Variants in TEX36 observed in about 807,000 individuals in gnomAD.
The protein encoded by TEX36 is testis-expressed protein 36.
TEX36 carries 12 observed loss-of-function variants against 13.6 expected under a neutral mutation model. The observed-to-expected ratio is 0.88, with a 90% confidence interval of 0.56 to 1.43. The LOEUF (loss-of-function observed/expected upper bound fraction) is 1.43. TEX36 is among the 40% of genes most tolerant of loss of function. The pLI is 0.00. For synonymous variants in TEX36, 93 were observed against 83.0 expected, an observed-to-expected ratio of 1.12 and a Z score of -0.65; for missense variants, 224 against 228.3, an observed-to-expected ratio of 0.98 and a Z score of 0.12.
intron 3 of TEX36, among the ~76,000 whole-genome samples, chr10:125,629,904 T>A (rs1389263841): frequency 1.3e-5 from 2 of 152,154 alleles, no homozygotes; most frequent in African/African-American, 4.8e-5. Flanking sequence ...TAAGTCACTG[T>A]GAGATACCAG....
chr10:125,605,727 G>A (rs1378975897), intron 3 of TEX36, among the ~76,000 whole-genome samples: 5 of 151,974 alleles, frequency 3.3e-5, no homozygotes, highest in African/African-American at 4.8e-5. Context: ...TCAGCCTACC[G>A]AGTAGCTGGG....
intron 3 of TEX36, among the ~76,000 whole-genome samples, chr10:125,657,010 T>TC (rs756387501): frequency 1.6e-4 from 25 of 151,998 alleles, no homozygotes; most frequent in Non-Finnish European, 1.0e-4. Context: ...CCCACAGGCT[T>TC]CCTCATTCAC....
At chr10:125,586,379 A>T (rs889879284) in intron 3 of TEX36, among the ~76,000 whole-genome samples, 1 of 152,162 alleles carries the variant, frequency 6.6e-6, no homozygotes, top group African/African-American at 2.4e-5. Flanking sequence ...TGTAGTTTTC[A>T]GGTCTTGTAC....
intron 1 of TEX36, among the ~76,000 whole-genome samples, chr10:125,668,725 C>G (rs1847167923): frequency 6.6e-6 from 1 of 152,090 alleles, no homozygotes; most frequent in African/African-American, 2.4e-5. Flanking sequence ...AGTTCTGGCT[C>G]TGGTCTTTAT....
At chr10:125,581,217 C>T (rs1253694295) in intron 3 of TEX36, among the ~76,000 whole-genome samples, 1 of 152,248 alleles carries the variant, frequency 6.6e-6, no homozygotes, top group Non-Finnish European at 1.5e-5. Context: ...GATTAGGTTC[C>T]CAGGGGCAAC....
chr10:125,589,352 T>A (rs1234132238), intron 3 of TEX36, among the ~76,000 whole-genome samples: 1 of 152,234 alleles, frequency 6.6e-6, no homozygotes, highest in Non-Finnish European at 1.5e-5. Flanking sequence ...TTTTTCTGTG[T>A]ATTTTTACAC....
chr10:125,639,899 G>A (rs1038027486), intron 3 of TEX36, among the ~76,000 whole-genome samples: 2 of 152,218 alleles, frequency 1.3e-5, no homozygotes, highest in African/African-American at 4.8e-5. Flanking sequence ...GAGAGGGATT[G>A]GATATGCCAC....
chr10:125,668,342 C>T (rs1847162077), intron 1 of TEX36, among the ~76,000 whole-genome samples: 2 of 151,728 alleles, frequency 1.3e-5, no homozygotes, highest in African/African-American at 4.8e-5. Flanking sequence ...TTCAGTCTCA[C>T]TATTCAGCAT....
At chr10:125,621,446 T>C (rs1181142092), downstream of TEX36, among the ~76,000 whole-genome samples, 1 of 152,140 alleles carries the variant, frequency 6.6e-6, no homozygotes, top group Non-Finnish European at 1.5e-5. Context: ...CCCTAATGAT[T>C]AGTGACATGT....
At chr10:125,640,324 G>A (rs1215943638) in intron 3 of TEX36, 2 of 487,502 alleles carry the variant, frequency 4.1e-6, no homozygotes, top group Non-Finnish European at 5.3e-6. Flanking sequence ...TTGGGAGAGA[G>A]AATAAAGCAT....
chr10:125,613,364 T>C (rs1448483968), intron 3 of TEX36, among the ~76,000 whole-genome samples: 1 of 150,736 alleles, frequency 6.6e-6, no homozygotes, highest in Non-Finnish European at 1.5e-5. Flanking sequence ...TGTGCCATGC[T>C]GGGGCGCTGC....
rs184025245 is a variant in TEX36, at chr10:125,613,369, C to T, written c.265-36495G>A. Reference sequence around the variant, plus strand: ...TACGTATACATGTGCCATGCTGGGGCGCTGCACCCACTAACTCGTCATCTA... The same window carrying T: ...TACGTATACATGTGCCATGCTGGGGTGCTGCACCCACTAACTCGTCATCTA... On this transcript the variant is annotated intron_variant, in intron 3 of 3. Transcript: ENST00000532135. Among the ~76,000 whole-genome samples, 23 of 149,938 alleles carry T rather than the reference C, an allele frequency of 1.5e-4. No individual in the cohort carries two copies. In the East Asian group the frequency reaches 3.4e-3, roughly 22 times the overall value.
At chr10:125,585,777 C>T (rs1221608083) in intron 3 of TEX36, among the ~76,000 whole-genome samples, 1 of 152,222 alleles carries the variant, frequency 6.6e-6, no homozygotes, top group Non-Finnish European at 1.5e-5. Flanking sequence ...GCATCAAAAT[C>T]CATAGTTTTC....
rs114741500 is a variant in TEX36, at chr10:125,634,940, A to G, written c.265-13295T>C. On this transcript the variant is annotated intron_variant, in intron 3 of 3. Coordinates refer to the TEX36 transcript ENST00000526819. Reference sequence around the variant, plus strand: ...CCTAACATACAAGTGGGCTGTGCTCAGGGCTGTGAGGGAGCTCAGAGAAGG... The same window carrying G: ...CCTAACATACAAGTGGGCTGTGCTCGGGGCTGTGAGGGAGCTCAGAGAAGG... Among the ~76,000 whole-genome samples, 609 of 152,296 alleles carry G rather than the reference A, an allele frequency of 4.0e-3. 12 individuals are homozygous for G. The highest frequency in any genetic ancestry group is 0.014 in the African/African-American group (581 of 41,562).
At chr10:125,670,224 A>G (rs527731603) in intron 1 of TEX36, among the ~76,000 whole-genome samples, 1 of 152,196 alleles carries the variant, frequency 6.6e-6, no homozygotes, top group Non-Finnish European at 1.5e-5. Flanking sequence ...GCGTAAAAGC[A>G]TTCCTATTTC....
intron 3 of TEX36, among the ~76,000 whole-genome samples, chr10:125,632,817 C>T (rs1479103054): frequency 6.6e-6 from 1 of 152,146 alleles, no homozygotes; most frequent in Non-Finnish European, 1.5e-5. Flanking sequence ...GAGCCATTTT[C>T]TTACCAAAGA....
chr10:125,665,449 C>A (rs186910359), intron 1 of TEX36, among the ~76,000 whole-genome samples: 29 of 152,170 alleles, frequency 1.9e-4, no homozygotes, highest in African/African-American at 7.0e-4. Context: ...TGTCCAGTTT[C>A]TTTCTTCTGC....
intron 1 of TEX36, among the ~76,000 whole-genome samples, chr10:125,671,845 T>G (rs962841474): frequency 2.0e-5 from 3 of 152,244 alleles, no homozygotes; most frequent in African/African-American, 7.2e-5. Context: ...AACTTCTTCC[T>G]GATTTAGTGT....
At chr10:125,642,081 G>A (rs1296530826) in intron 3 of TEX36, among the ~76,000 whole-genome samples, 32 of 152,122 alleles carry the variant, frequency 2.1e-4, no homozygotes, top group Admixed American at 2.1e-3. Context: ...TCCCATAAGT[G>A]GAATTATGTG....
Sources: gnomAD v4.1 joint callset for allele counts (sites outside exome capture counted in the v4.1 genomes callset) on GRCh38, gnomAD v4.1.1 for gene constraint, MANE v1.5 for transcripts, NCBI Gene and HGNC (gene_info 2026-07-23, HGNC 2026-07-21) for gene names.